Variants in KLHDC4 observed in about 807,000 individuals in gnomAD.
The protein encoded by KLHDC4 is kelch domain-containing protein 4.
In KLHDC4, 90 loss-of-function variants were observed where a neutral mutation model predicts 62.4. The ratio of observed to expected loss-of-function variants is 1.44; its 90% CI spans 1.22 to 1.72. The LOEUF (loss-of-function observed/expected upper bound fraction) is 1.72, where lower values mean the gene tolerates loss of function less well. KLHDC4 is among the 40% of genes most tolerant of loss of function. The pLI, the probability that KLHDC4 is intolerant of heterozygous loss-of-function variation, is 0.00. For synonymous variants in KLHDC4, 386 were observed against 284.4 expected (o/e 1.36, Z -3.59); for missense variants, 1,025 against 699.7 (o/e 1.47, Z -5.25).
At chr16:87,755,579 TTTTG>T (rs1452304396) in intron 3 of KLHDC4, 4 of 257,600 alleles carry the variant, frequency 1.6e-5, no homozygotes, top group Non-Finnish European at 3.0e-5. Context: ...TTTGTTTTTG[TTTTG>T]TTTGAGATGA....
At chr16:87,762,817 C>G (rs554597179) in intron 1 of KLHDC4, among the ~76,000 whole-genome samples, 6 of 152,158 alleles carry the variant, frequency 3.9e-5, no homozygotes, top group Non-Finnish European at 8.8e-5. Context: ...CATGCACACC[C>G]GAGCCTGGCA....
chr16:87,750,969 T>C (rs35077645), intron 4 of KLHDC4: 39,498 of 152,196 alleles, frequency 0.26, 5,521 homozygotes, highest in South Asian at 0.46. Flanking sequence ...GCAGACATGA[T>C]GACTGGCTCA....
intron 7 of KLHDC4, among the ~76,000 whole-genome samples, chr16:87,715,429 T>C (rs1567675542): frequency 6.6e-6 from 1 of 152,092 alleles, no homozygotes; most frequent in Non-Finnish European, 1.5e-5. Context: ...ACCGGGAGCG[T>C]GGCCCACACT....
intron 5 of KLHDC4, among the ~76,000 whole-genome samples, chr16:87,733,893 T>A (rs763834844): frequency 3.9e-5 from 6 of 152,240 alleles, no homozygotes; most frequent in South Asian, 2.1e-4. Flanking sequence ...ACAGCAACTC[T>A]GGGCTGCAAA....
chr16:87,742,361 G>A (rs2042364737), intron 5 of KLHDC4, among the ~76,000 whole-genome samples: 1 of 152,184 alleles, frequency 6.6e-6, no homozygotes. Flanking sequence ...CTTTCATTCT[G>A]CAATCATTAG....
chr16:87,757,166 A>T (rs1008300428), intron 2 of KLHDC4, among the ~76,000 whole-genome samples: 6 of 151,738 alleles, frequency 4.0e-5, no homozygotes, highest in Non-Finnish European at 8.8e-5. Context: ...CCTCAAAACC[A>T]TTCTAAAAAG....
rs555327010 is a variant in KLHDC4, at chr16:87,761,628, C to G, written c.191+321G>C. Among the ~76,000 whole-genome samples the G allele has an allele frequency of 2.0e-5, 3 of 152,334 alleles. No individual in the cohort carries two copies. In the South Asian group the frequency reaches 6.2e-4, roughly 32 times the overall value. ...TTCAGCTTTCTGCCTACAGTACGCACTTTTAAAATACCTTAAGAACCAAAG... is the reference window on the plus strand; with the variant it reads ...TTCAGCTTTCTGCCTACAGTACGCAGTTTTAAAATACCTTAAGAACCAAAG... On this transcript the variant is annotated intron_variant, in intron 2 of 11. Coordinates refer to ENST00000270583, the MANE Select transcript of KLHDC4 (RefSeq NM_017566.4).
intron 5 of KLHDC4, 72 bp from the exon 6 acceptor site, chr16:87,730,716 A>C (rs1033877711): frequency 1.5e-5 from 20 of 1,290,730 alleles, no homozygotes; most frequent in Admixed American, 4.2e-5. Context: ...GACAACAACA[A>C]ACAAAATCCA....
At position 87,728,114 on chromosome 16, in the gene KLHDC4, G is replaced by A. The variant is rs991405967; in HGVS notation, c.600-1190C>T. ...AGGCACGAGAATAGTTTGAACCTACGAGGTGGAGGCTACAGTGAGCTGATC... is the reference window on the plus strand; with the variant it reads ...AGGCACGAGAATAGTTTGAACCTACAAGGTGGAGGCTACAGTGAGCTGATC... On this transcript the variant is annotated intron_variant, in intron 6 of 11. Transcript: ENST00000270583. 1.8e-4 allele frequency among the ~76,000 whole-genome samples: 27 copies of A among 152,182 alleles called. 1 individual carries two copies. The highest frequency in any genetic ancestry group is 1.6e-3 in the Admixed American group (25 of 15,278).
intron 8 of KLHDC4, among the ~76,000 whole-genome samples, chr16:87,711,821 C>A (rs2035905114): frequency 6.6e-6 from 1 of 151,670 alleles, no homozygotes; most frequent in Admixed American, 6.6e-5. Context: ...GGACCCTTCG[C>A]CCAGGGGGCT....
chr16:87,704,927 G>A (rs2034481412), downstream of KLHDC4, among the ~76,000 whole-genome samples: 1 of 152,190 alleles, frequency 6.6e-6, no homozygotes, highest in Non-Finnish European at 1.5e-5. Context: ...CGCATGGGCG[G>A]CAGGGGGAGC....
chr16:87,743,720 A>T (rs1292633412), intron 5 of KLHDC4, among the ~76,000 whole-genome samples: 1 of 152,090 alleles, frequency 6.6e-6, no homozygotes, highest in Non-Finnish European at 1.5e-5. Flanking sequence ...AGCCTGGGAG[A>T]CAGAGCGCGA....
chr16:87,726,947 T>G (rs1212898726), intron 6 of KLHDC4, 23 bp from the exon 7 acceptor site: 1 of 1,612,666 alleles, frequency 6.2e-7, no homozygotes, highest in African/African-American at 1.3e-5. Flanking sequence ...ACAGCAGCTG[T>G]CAGGGTCCGT....
At chr16:87,717,478 G>A (rs1443113675) in intron 7 of KLHDC4, among the ~76,000 whole-genome samples, 1 of 152,196 alleles carries the variant, frequency 6.6e-6, no homozygotes, top group Non-Finnish European at 1.5e-5. Context: ...CTAAAACTAA[G>A]AGGGCTCCAC....
intron 2 of KLHDC4, among the ~76,000 whole-genome samples, chr16:87,756,891 A>T (rs975097075): frequency 6.6e-5 from 10 of 151,796 alleles, no homozygotes; most frequent in Non-Finnish European, 2.9e-5. Context: ...TCAGCTCACC[A>T]CAACCTCCAA....
At chr16:87,716,842 G>C (rs2037096220) in intron 7 of KLHDC4, among the ~76,000 whole-genome samples, 1 of 152,240 alleles carries the variant, frequency 6.6e-6, no homozygotes, top group Non-Finnish European at 1.5e-5. Context: ...TGAGGCAGGA[G>C]AATGGCATGA....
chr16:87,746,659 A>C (rs2043085300), intron 5 of KLHDC4, among the ~76,000 whole-genome samples: 1 of 152,192 alleles, frequency 6.6e-6, no homozygotes, highest in Admixed American at 6.5e-5. Context: ...TCACCACCAG[A>C]GACAGATGCC....
intron 7 of KLHDC4, among the ~76,000 whole-genome samples, chr16:87,715,564 G>A (rs534601931): frequency 6.6e-6 from 1 of 152,254 alleles, no homozygotes; most frequent in South Asian, 2.1e-4. Context: ...GACTCTCCTT[G>A]TCTCTGAGGA....
At chr16:87,726,979 A>G in intron 6 of KLHDC4, 55 bp from the exon 7 acceptor site, 1 of 1,572,848 alleles carries the variant, frequency 6.4e-7, no homozygotes, top group Non-Finnish European at 8.7e-7. Context: ...AAGCCCTGAC[A>G]TTAAAAACTG....
Sources: allele counts gnomAD v4.1 joint callset (sites outside exome capture counted in the v4.1 genomes callset), GRCh38; gene constraint gnomAD v4.1.1; transcripts MANE v1.5; gene names NCBI Gene and HGNC (gene_info 2026-07-23, HGNC 2026-07-21).